Variants in CLSTN2 observed in about 807,000 individuals in gnomAD.
CLSTN2 encodes calsyntenin 2.
Under a neutral mutation model 101.2 loss-of-function variants are expected in CLSTN2, and 48 were observed. That is an observed-to-expected ratio of 0.47 (90% CI 0.38 to 0.60). The LOEUF (loss-of-function observed/expected upper bound fraction) is 0.60. CLSTN2 is among the 20% of genes least tolerant of loss of function. The pLI is 0.00. For synonymous variants in CLSTN2, 481 were observed against 463.6 expected (o/e 1.04, Z -0.48); for missense variants, 1,160 against 1,238.2 (o/e 0.94, Z 0.95).
chr3:140,218,838 C>T (rs2086234996), intron 2 of CLSTN2, among the ~76,000 whole-genome samples: 1 of 151,988 alleles, frequency 6.6e-6, no homozygotes, highest in South Asian at 2.1e-4. Context: ...ATGTGGAATC[C>T]CCCAGGGGGA....
At chr3:140,437,020 G>C (rs1157171306) in intron 5 of CLSTN2, among the ~76,000 whole-genome samples, 1 of 150,528 alleles carries the variant, frequency 6.6e-6, no homozygotes, top group Non-Finnish European at 1.5e-5. Flanking sequence ...CAGGCAAGGA[G>C]CAGGGACCTT....
rs563349219 is a variant in CLSTN2 at position 140,555,317 on chromosome 3, T to C, written c.1675-1196T>C. On this transcript the variant is annotated intron_variant, in intron 10 of 16. Transcript: ENST00000458420. ...AAAACATATATCCTGCAGGGAAGGG[T>C]ACCATAAGTCATACGATCAAGCCTA... is the stretch of plus-strand genomic sequence containing the variant. 3.3e-5 allele frequency among the ~76,000 whole-genome samples: 5 copies of C among 152,268 alleles called. No individual in the cohort carries two copies. The South Asian group carries it at 1.0e-3, about 32-fold the overall frequency.
intron 2 of CLSTN2, among the ~76,000 whole-genome samples, chr3:140,179,812 T>C (rs992283963): frequency 1.3e-5 from 2 of 152,172 alleles, no homozygotes; most frequent in Non-Finnish European, 2.9e-5. Context: ...TGGCAGTTTG[T>C]CTATTTCCAA....
At chr3:140,007,439 G>A (rs1406443889) in intron 1 of CLSTN2, among the ~76,000 whole-genome samples, 3 of 152,150 alleles carry the variant, frequency 2.0e-5, no homozygotes, top group East Asian at 1.9e-4. Flanking sequence ...GCATTTCGAC[G>A]GGGCAGCCTT....
intron 2 of CLSTN2, among the ~76,000 whole-genome samples, chr3:140,330,767 G>T (rs1440044717): frequency 1.3e-5 from 2 of 152,196 alleles, no homozygotes; most frequent in Non-Finnish European, 2.9e-5. Flanking sequence ...CTGAGCTTGA[G>T]TTGTACCACT....
intron 1 of CLSTN2, among the ~76,000 whole-genome samples, chr3:139,977,257 T>C (rs1476128481): frequency 6.6e-6 from 1 of 152,030 alleles, no homozygotes; most frequent in Non-Finnish European, 1.5e-5. Flanking sequence ...GCAAGCAGGC[T>C]GCAGGTTCGT....
chr3:140,381,857 T>C (rs974712513), intron 2 of CLSTN2, among the ~76,000 whole-genome samples: 1 of 152,246 alleles, frequency 6.6e-6, no homozygotes. Flanking sequence ...CCATGAAGTC[T>C]GCCAAATATT....
intron 2 of CLSTN2, among the ~76,000 whole-genome samples, chr3:140,245,793 C>T (rs942788499): frequency 6.6e-6 from 1 of 152,186 alleles, no homozygotes. Context: ...AGAAAGGTGC[C>T]AGTCTTCCTG....
At chr3:140,459,262 C>T (rs192148675) in intron 6 of CLSTN2, among the ~76,000 whole-genome samples, 11 of 152,286 alleles carry the variant, frequency 7.2e-5, no homozygotes, top group African/African-American at 1.7e-4. Flanking sequence ...TAAATTCCTC[C>T]GACACTTTTT....
At chr3:140,530,987 A>C (rs957498791) in intron 8 of CLSTN2, among the ~76,000 whole-genome samples, 10 of 152,126 alleles carry the variant, frequency 6.6e-5, no homozygotes, top group African/African-American at 2.4e-4. Flanking sequence ...TGATTCAGAT[A>C]TGTAGTTCTC....
Position 139,935,592 on chromosome 3 carries a change from C to T in CLSTN2, c.109+109C>T. 1.9e-6 allele frequency: 1 copy of T among 519,064 alleles called. No individual in the cohort carries two copies. The highest frequency in any genetic ancestry group is 3.0e-6 in the Non-Finnish European group (1 of 338,682). The allele number at this position is 519,064 out of a possible 1,614,324, so 32.2% of individuals were successfully genotyped here. On this transcript the variant is annotated intron_variant, in intron 1 of 16. Transcript: ENST00000458420. This position sits in a 1 kb window ranked among gnomAD's most constrained non-coding sequence, Gnocchi z 5.5. ...GCTGGATTTGCCCACCCTCCCTTGC[C>T]GCAGCTTCTTTGGCCTCTGTGCGCC... is the stretch of plus-strand genomic sequence containing the variant.
At chr3:140,253,734 C>A (rs528077608) in intron 2 of CLSTN2, among the ~76,000 whole-genome samples, 3 of 152,264 alleles carry the variant, frequency 2.0e-5, no homozygotes, top group African/African-American at 7.2e-5. Context: ...TTCAGGATCC[C>A]AGGAGACAGG....
intron 1 of CLSTN2, among the ~76,000 whole-genome samples, chr3:140,057,194 C>T (rs960465026): frequency 6.6e-6 from 1 of 152,228 alleles, no homozygotes; most frequent in Non-Finnish European, 1.5e-5. Context: ...CAATGCACAT[C>T]CAATGACATG....
intron 2 of CLSTN2, among the ~76,000 whole-genome samples, chr3:140,182,168 A>G (rs547441090): frequency 9.2e-5 from 14 of 152,208 alleles, no homozygotes; most frequent in Non-Finnish European, 1.3e-4. Context: ...AAGCAACAAC[A>G]TCAAGCTAGA....
intron 1 of CLSTN2, among the ~76,000 whole-genome samples, chr3:140,059,617 AGGG>A (rs2008161445): frequency 6.6e-6 from 1 of 152,130 alleles, no homozygotes; most frequent in Non-Finnish European, 1.5e-5. Flanking sequence ...TGAGGATGGC[AGGG>A]TGGATATAAT....
chr3:140,350,237 AG>A (rs1285651245), intron 2 of CLSTN2, among the ~76,000 whole-genome samples: 1 of 152,252 alleles, frequency 6.6e-6, no homozygotes, highest in Non-Finnish European at 1.5e-5. Context: ...AATGGTGCCA[AG>A]AACACTACCT....
chr3:140,192,011 C>T (rs2010572276), intron 2 of CLSTN2, among the ~76,000 whole-genome samples: 1 of 151,820 alleles, frequency 6.6e-6, no homozygotes, highest in Non-Finnish European at 1.5e-5. Context: ...CTGTATCCCA[C>T]AAATTTTGAT....
chr3:140,426,949 T>C (rs2088570830), intron 5 of CLSTN2, among the ~76,000 whole-genome samples: 1 of 151,666 alleles, frequency 6.6e-6, no homozygotes, highest in African/African-American at 2.4e-5. Flanking sequence ...CCGAGGCGGG[T>C]GGATCACTTG....
At chr3:140,252,470 T>C (rs1467645892) in intron 2 of CLSTN2, among the ~76,000 whole-genome samples, 3 of 152,198 alleles carry the variant, frequency 2.0e-5, no homozygotes, top group Non-Finnish European at 4.4e-5. Flanking sequence ...AGAACCTGCA[T>C]GTTAACAAGC....
Sources: allele counts gnomAD v4.1 joint callset (sites outside exome capture counted in the v4.1 genomes callset), GRCh38; gene constraint gnomAD v4.1.1; non-coding constraint Gnocchi (gnomAD v3.1); transcripts MANE v1.5; gene names NCBI Gene and HGNC (gene_info 2026-07-23, HGNC 2026-07-21).